Variants in CLTCL1 observed in about 807,000 individuals in gnomAD.
CLTCL1 encodes clathrin heavy chain like 1.
CLTCL1 carries 159 observed loss-of-function variants against 190.0 expected under a neutral mutation model. The observed-to-expected ratio is 0.84, with a 90% CI of 0.74 to 0.95. The LOEUF is 0.95. CLTCL1 is among the 40% of genes least tolerant of loss of function. The pLI is 0.00. For missense variants in CLTCL1, 1,878 were observed against 2,033.4 expected (o/e 0.92, Z 1.47); for synonymous variants, 752 against 769.6 (o/e 0.98, Z 0.38).
At chr22:19,255,364 AC>A (rs1314304374) in intron 2 of CLTCL1, among the ~76,000 whole-genome samples, 1 of 151,906 alleles carries the variant, frequency 6.6e-6, no homozygotes, top group Non-Finnish European at 1.5e-5. Context: ...GGAGTTTGAG[AC>A]CAGTCTGGTC....
intron 22 of CLTCL1, among the ~76,000 whole-genome samples, chr22:19,207,117 A>G (rs782304665): frequency 2.7e-5 from 4 of 148,370 alleles, no homozygotes; most frequent in Non-Finnish European, 5.9e-5. Flanking sequence ...CCCGGATTCA[A>G]GCGATTCTCC....
In CLTCL1 at chr22:19,187,970, T is replaced by C. The variant is rs1424285910; in HGVS notation, c.4434+11A>G. ...GCCCACCCAGGACAGGGCTCCTTCC[T>C]GCACACCCACCTGATAGTCCTCCTC... On this transcript the variant is annotated intron_variant, in intron 28 of 32. Transcript: ENST00000427926. 1 of 1,612,102 alleles carries C rather than the reference T, an allele frequency of 6.2e-7. No individual in the cohort carries two copies. Among genetic ancestry groups the C allele is most frequent in the Non-Finnish European group, 8.5e-7 (1 of 1,178,332 alleles).
chr22:19,204,253 C>G (rs985814478), intron 22 of CLTCL1, among the ~76,000 whole-genome samples: 1 of 152,188 alleles, frequency 6.6e-6, no homozygotes, highest in Non-Finnish European at 1.5e-5. Flanking sequence ...AGGCCAACAG[C>G]TGCCTCTTCC....
At chr22:19,269,946 T>TA (rs1569244208) in intron 2 of CLTCL1, among the ~76,000 whole-genome samples, 3,017 of 93,760 alleles carry the variant, frequency 0.032, 93 homozygotes, top group African/African-American at 0.11. Context: ...TAAAGTAAAA[T>TA]TAAAAAAAAA....
intron 31 of CLTCL1, 114 bp downstream of exon 31, chr22:19,180,616 GC>G: frequency 1.1e-5 from 11 of 1,005,240 alleles, no homozygotes; most frequent in Non-Finnish European, 1.2e-5. Flanking sequence ...GATCCTTCCA[GC>G]CCCCACCCAT....
chr22:19,286,398 G>C (rs149536174), intron 1 of CLTCL1, among the ~76,000 whole-genome samples: 122 of 152,080 alleles, frequency 8.0e-4, no homozygotes, highest in African/African-American at 2.1e-3. Flanking sequence ...TAGGCCAACA[G>C]GCAAAATTTA....
At chr22:19,280,469 G>A (rs879979347) in intron 1 of CLTCL1, among the ~76,000 whole-genome samples, 1 of 151,874 alleles carries the variant, frequency 6.6e-6, no homozygotes, top group Non-Finnish European at 1.5e-5. Context: ...TAAAAAGGAA[G>A]GAAATTCTGA....
At chr22:19,205,811 T>A (rs551728586) in intron 22 of CLTCL1, among the ~76,000 whole-genome samples, 1 of 152,356 alleles carries the variant, frequency 6.6e-6, no homozygotes, top group African/African-American at 2.4e-5. Context: ...TTTTAAAAAA[T>A]TTTAAGGAAA....
chr22:19,232,144 G>T (rs1323031974), intron 10 of CLTCL1, among the ~76,000 whole-genome samples: 1 of 152,174 alleles, frequency 6.6e-6, no homozygotes, highest in Non-Finnish European at 1.5e-5. Context: ...CAGGCCAATG[G>T]TCAGGGAGAG....
chr22:19,256,754 C>A (rs1387434044), intron 2 of CLTCL1, among the ~76,000 whole-genome samples: 1 of 152,008 alleles, frequency 6.6e-6, no homozygotes, highest in Non-Finnish European at 1.5e-5. Context: ...TCCATCTCAG[C>A]CTGTCGAAGT....
chr22:19,204,550 C>T (rs1017297789), intron 22 of CLTCL1, among the ~76,000 whole-genome samples: 1 of 152,290 alleles, frequency 6.6e-6, no homozygotes, highest in African/African-American at 2.4e-5. Context: ...TTATGATTCA[C>T]GGGGCAGAAA....
At position 19,254,094 on chromosome 22, in the gene CLTCL1, G is replaced by T. The variant is rs539722586; in HGVS notation, c.384C>A (p.Tyr128Ter). 1 of 1,612,834 alleles carries T rather than the reference G, an allele frequency of 6.2e-7. No homozygotes were observed. The highest frequency in any genetic ancestry group is 1.7e-5 in the Admixed American group (1 of 59,800). ...GGGAGTCACCTTCCATGCTCCAGTG[G>T]TAGACCGCGGTCTCGGTCACCAAGG... ...TVALVTETAVYHWSMEGDSQP... is the reference protein window; with the variant it reads ...TVALVTETAV Residue 128 changes from tyrosine to a stop codon, truncating the protein, a stop_gained, in exon 3 of 33, where the codon TAC becomes TAA. Coordinates refer to ENST00000427926, the MANE Select transcript of CLTCL1 (RefSeq NM_007098.4). LOFTEE classifies it high-confidence loss of function.
intron 1 of CLTCL1, among the ~76,000 whole-genome samples, chr22:19,282,295 C>T (rs528556475): frequency 4.6e-5 from 7 of 151,330 alleles, no homozygotes; most frequent in Non-Finnish European, 1.0e-4. Flanking sequence ...CGCCACTGCA[C>T]TCCAGCCTGG....
intron 2 of CLTCL1, among the ~76,000 whole-genome samples, chr22:19,255,951 A>T (rs889813607): frequency 6.6e-6 from 1 of 151,956 alleles, no homozygotes; most frequent in South Asian, 2.1e-4. Flanking sequence ...CCCAAAACAT[A>T]GCATTTTGGA....
chr22:19,264,795 T>G (rs928602635), intron 2 of CLTCL1, among the ~76,000 whole-genome samples: 1 of 152,086 alleles, frequency 6.6e-6, no homozygotes. Flanking sequence ...TCATGCAATT[T>G]TTTTTTTTTT....
intron 27 of CLTCL1, among the ~76,000 whole-genome samples, chr22:19,189,209 T>C (rs782022807): frequency 3.3e-5 from 5 of 152,232 alleles, no homozygotes; most frequent in Non-Finnish European, 5.9e-5. Flanking sequence ...GGCTGGCAAT[T>C]TCTTAAAATA....
At chr22:19,247,646 T>C (rs2146006246) in intron 3 of CLTCL1, among the ~76,000 whole-genome samples, 1 of 151,726 alleles carries the variant, frequency 6.6e-6, no homozygotes, top group East Asian at 2.0e-4. Context: ...CTGCAACCTC[T>C]GCATCCTGGG....
At chr22:19,229,780 A>C in intron 11 of CLTCL1, 58 bp downstream of exon 11, 1 of 1,492,748 alleles carries the variant, frequency 6.7e-7, no homozygotes, top group Non-Finnish European at 8.9e-7. Flanking sequence ...CAAGTCTGCA[A>C]ACCCAGAGAG....
intron 21 of CLTCL1, 93 bp from the exon 22 acceptor site, chr22:19,208,404 T>G (rs896751758): frequency 1.4e-5 from 20 of 1,433,196 alleles, no homozygotes; most frequent in African/African-American, 9.9e-5. Flanking sequence ...CAGACACATT[T>G]ACCCTCCAGT....
Sources: gnomAD v4.1 joint callset for allele counts (sites outside exome capture counted in the v4.1 genomes callset) on GRCh38, gnomAD v4.1.1 for gene constraint, MANE v1.5 for transcripts, NCBI Gene and HGNC (gene_info 2026-07-23, HGNC 2026-07-21) for gene names.